Variants in DCAF6 observed in about 807,000 individuals in gnomAD.
The protein encoded by DCAF6 is DDB1- and CUL4-associated factor 6.
Under a neutral mutation model 125.1 loss-of-function variants are expected in DCAF6, and 54 were observed. The observed-to-expected ratio is 0.43, with a 90% confidence interval of 0.35 to 0.54. The LOEUF (loss-of-function observed/expected upper bound fraction) is 0.54. Ranked by LOEUF, DCAF6 falls within the 20% of genes least tolerant of loss-of-function variation. The pLI, the probability that DCAF6 is intolerant of heterozygous loss-of-function variation, is 0.01. For missense variants in DCAF6, 934 were observed against 1,161.7 expected (o/e 0.80, Z 2.85); for synonymous variants, 371 against 390.4 (o/e 0.95, Z 0.58).
intron 21 of DCAF6, among the ~76,000 whole-genome samples, chr1:168,073,252 C>T (rs1693365664): frequency 6.6e-6 from 1 of 152,180 alleles, no homozygotes; most frequent in Non-Finnish European, 1.5e-5. Context: ...AGAGAACACA[C>T]TGTTCTTCAG....
At chr1:167,971,684 A>G (rs1677329862) in intron 3 of DCAF6, among the ~76,000 whole-genome samples, 2 of 152,210 alleles carry the variant, frequency 1.3e-5, no homozygotes, top group African/African-American at 2.4e-5. Flanking sequence ...CTTAACGTAT[A>G]GTAATCATTG....
chr1:167,919,617 C>T, the DCAF6 span, among the ~76,000 whole-genome samples: 1 of 152,046 alleles, frequency 6.6e-6, no homozygotes, highest in South Asian at 2.1e-4. Context: ...AAAAGGTTTA[C>T]ATAAGAAATT....
chr1:167,962,184 A>G (rs1675715260), intron 2 of DCAF6, among the ~76,000 whole-genome samples: 1 of 152,164 alleles, frequency 6.6e-6, no homozygotes, highest in African/African-American at 2.4e-5. Flanking sequence ...TGAATGAAGT[A>G]GTCTATAAAT....
the DCAF6 span, among the ~76,000 whole-genome samples, chr1:167,884,396 C>G: frequency 6.6e-6 from 1 of 152,146 alleles, no homozygotes; most frequent in Admixed American, 6.6e-5. Context: ...ATCACGAGAA[C>G]AGCAAGGGTA....
At chr1:167,959,754 T>C (rs4656564) in intron 2 of DCAF6, among the ~76,000 whole-genome samples, 31,466 of 152,214 alleles carry the variant, frequency 0.21, 3,888 homozygotes, top group Admixed American at 0.36. Flanking sequence ...TCTTTATTTA[T>C]TTTAGATAAC....
Position 168,023,006 on chromosome 1 carries a change from T to G in DCAF6, c.1568T>G (p.Val523Gly), listed in dbSNP as rs773289536. The G allele has an allele frequency of 6.2e-7, 1 of 1,614,196 alleles. No homozygotes were observed. The highest frequency in any genetic ancestry group is 1.7e-5 in the Admixed American group (1 of 60,020). The change falls in exon 12 of 22, where the codon GTT becomes GGT. Residue 523 changes from valine (V) to glycine (G), a missense_variant. By Grantham distance (109) the Val-to-Gly change is moderately radical. Transcript: ENST00000367840. Reference protein sequence around the residue: ...PHASDSPSSVVNKQLGSMSLD... With the variant: ...PHASDSPSSVGNKQLGSMSLD... Reference sequence around the variant, plus strand: ...GTTTCAGATTCTCCTTCTTCTGTGGTTAACAAACAGCTCGGATCCATGTCA... The same window carrying G: ...GTTTCAGATTCTCCTTCTTCTGTGGGTAACAAACAGCTCGGATCCATGTCA...
At chr1:168,069,371 T>C (rs1163102854) in intron 21 of DCAF6, among the ~76,000 whole-genome samples, 1 of 152,192 alleles carries the variant, frequency 6.6e-6, no homozygotes, top group Non-Finnish European at 1.5e-5. Context: ...TTTTCTTCTG[T>C]GACTACTCCA....
the DCAF6 span, chr1:167,870,194 G>A: frequency 6.4e-7 from 1 of 1,572,986 alleles, no homozygotes; most frequent in South Asian, 1.1e-5. Flanking sequence ...AGGAAGGAGA[G>A]GAGCATCAAA....
chr1:167,895,296 A>C, the DCAF6 span, among the ~76,000 whole-genome samples: 1 of 152,150 alleles, frequency 6.6e-6, no homozygotes, highest in African/African-American at 2.4e-5. Flanking sequence ...AGTAAAGCTC[A>C]AGGAGTGGGT....
At chr1:167,985,237 G>GTGT (rs1679823178) in intron 4 of DCAF6, among the ~76,000 whole-genome samples, 2 of 151,932 alleles carry the variant, frequency 1.3e-5, no homozygotes, top group Non-Finnish European at 2.9e-5. Context: ...GTGTGTGTGT[G>GTGT]CGTGCGCGTG....
At chr1:167,957,043 A>G (rs1674891029) in intron 2 of DCAF6, among the ~76,000 whole-genome samples, 1 of 152,124 alleles carries the variant, frequency 6.6e-6, no homozygotes, top group African/African-American at 2.4e-5. Context: ...TTTAGTTGTT[A>G]CAAGCATGAT....
chr1:167,940,375 T>C (rs781117054), intron 1 of DCAF6, among the ~76,000 whole-genome samples: 3 of 152,086 alleles, frequency 2.0e-5, no homozygotes. Context: ...TTTTTTTTGG[T>C]GGGAGGCGGG....
At chr1:167,875,891 T>C in the DCAF6 span, among the ~76,000 whole-genome samples, 5 of 151,762 alleles carry the variant, frequency 3.3e-5, no homozygotes, top group Non-Finnish European at 7.4e-5. Flanking sequence ...AGGGGGAGCT[T>C]GCAGTGAGCC....
intron 7 of DCAF6, among the ~76,000 whole-genome samples, chr1:167,999,381 A>G (rs1682250015): frequency 1.3e-5 from 2 of 152,234 alleles, no homozygotes; most frequent in South Asian, 2.1e-4. Context: ...TAATGTCACC[A>G]CTGCATAAGC....
At chr1:168,029,245 T>C (rs1686737636) in intron 12 of DCAF6, among the ~76,000 whole-genome samples, 1 of 152,220 alleles carries the variant, frequency 6.6e-6, no homozygotes, top group Non-Finnish European at 1.5e-5. Context: ...ACTAGCACTG[T>C]GTTAAGAATT....
chr1:167,931,244 T>C (rs371947906), upstream of DCAF6, among the ~76,000 whole-genome samples: 3 of 152,188 alleles, frequency 2.0e-5, no homozygotes, highest in African/African-American at 7.2e-5. Context: ...TATTCCTTTT[T>C]ATGAATTCTT....
intron 2 of DCAF6, among the ~76,000 whole-genome samples, chr1:167,962,584 A>C (rs1212506335): frequency 6.6e-6 from 1 of 152,092 alleles, no homozygotes; most frequent in Non-Finnish European, 1.5e-5. Flanking sequence ...ATCCATATGG[A>C]TCTTTATATT....
the DCAF6 span, chr1:167,899,640 G>T: frequency 6.2e-7 from 1 of 1,613,160 alleles, no homozygotes. Flanking sequence ...TGGCAAGAAG[G>T]CAAGGAATAG....
intron 9 of DCAF6, among the ~76,000 whole-genome samples, chr1:168,004,304 T>C (rs1043861311): frequency 2.0e-5 from 3 of 152,198 alleles, no homozygotes; most frequent in African/African-American, 7.2e-5. Flanking sequence ...AAACAAGTTT[T>C]ATGTAATAGG....
Sources: gnomAD v4.1 joint callset for allele counts (sites outside exome capture counted in the v4.1 genomes callset) on GRCh38, gnomAD v4.1.1 for gene constraint, MANE v1.5 for transcripts, NCBI Gene and HGNC (gene_info 2026-07-23, HGNC 2026-07-21) for gene names.